Variants in ARHGAP9 observed in about 807,000 individuals in gnomAD.
The protein encoded by ARHGAP9 is rho GTPase-activating protein 9.
In ARHGAP9, 76 loss-of-function variants were observed where a neutral mutation model predicts 87.3. The observed-to-expected ratio is 0.87, with a 90% CI of 0.72 to 1.05. ARHGAP9 has a LOEUF of 1.05. Among genes scored for constraint, ARHGAP9 ranks in the 50% least tolerant of loss-of-function variants. The pLI, the probability that ARHGAP9 is intolerant of heterozygous loss-of-function variation, is 0.00. For synonymous variants in ARHGAP9, 382 were observed against 394.9 expected, an observed-to-expected ratio of 0.97 and a Z score of 0.39; for missense variants, 941 against 960.5, an observed-to-expected ratio of 0.98 and a Z score of 0.27.
In ARHGAP9 at chr12:57,488,287, A is replaced by G. The variant is rs559762969; in HGVS notation, c.-204+325T>C. 233 of 1,261,544 alleles carry G rather than the reference A, an allele frequency of 1.8e-4. No homozygotes were observed. In the Middle Eastern group the frequency reaches 2.6e-3, roughly 14 times the overall value. The allele number at this position is 1,261,544 out of a possible 1,614,324, so 78.1% of individuals were successfully genotyped here. On this transcript the variant is annotated intron_variant, in intron 1 of 20. Coordinates refer to the ARHGAP9 transcript ENST00000393797. ...CTGCAGCTGTCTTTGCCAAACCCCT[A>G]GCCCTCGCCACACACCCCAATCGAC...
chr12:57,482,706 A>G (rs1875114459), upstream of ARHGAP9, among the ~76,000 whole-genome samples: 1 of 152,130 alleles, frequency 6.6e-6, no homozygotes, highest in African/African-American at 2.4e-5. Flanking sequence ...CCCTGTCTCA[A>G]AATAAATAAA....
Position 57,478,115 on chromosome 12 carries a change from G to A in ARHGAP9, c.534+425C>T, listed in dbSNP as rs531259513. The A allele has an allele frequency of 1.0e-5, 4 of 398,862 alleles. No individual in the cohort carries two copies. The East Asian group carries it at 3.5e-4, about 35-fold the overall frequency. 24.7% of individuals were successfully genotyped at this position (398,862 alleles called of 1,614,324 possible). On this transcript the variant is annotated intron_variant, in intron 3 of 17. Coordinates refer to ENST00000393791, the MANE Select transcript of ARHGAP9 (RefSeq NM_032496.4). ...AAGGGCTGGGCAAGTCACATCTCTA[G>A]AGGAGACCTGCTGTAGCCTATCAGG...
intron 1 of ARHGAP9, chr12:57,488,055 C>G (rs539338210): frequency 2.4e-5 from 38 of 1,576,084 alleles, no homozygotes; most frequent in Non-Finnish European, 3.2e-5. Context: ...AGCGGGAGGC[C>G]GGTTCCGGTT....
chr12:57,486,424 C>A (rs1242382480), intron 1 of ARHGAP9, among the ~76,000 whole-genome samples: 2 of 151,864 alleles, frequency 1.3e-5, no homozygotes, highest in African/African-American at 4.8e-5. Context: ...CGTGCACCAC[C>A]ACACCCAGCT....
At chr12:57,480,219 TC>T, upstream of ARHGAP9, 1 of 755,880 alleles carries the variant, frequency 1.3e-6, no homozygotes, top group Non-Finnish European at 1.6e-6. Flanking sequence ...CTCGTTCTTG[TC>T]CCCCAGGCTG....
Position 57,474,420 on chromosome 12 carries a change from T to C in ARHGAP9, c.1783+3A>G. 1 of 1,614,148 alleles carries C rather than the reference T, an allele frequency of 6.2e-7. No individual in the cohort carries two copies. Among genetic ancestry groups the C allele is most frequent in the Non-Finnish European group, 8.5e-7 (1 of 1,179,994 alleles). Reference sequence around the variant, plus strand: ...GGATCTGAAGGGTCTTCCATGTAAGTACCTTGTCCTGGCTGTTCTGGGAAC... The same window carrying C: ...GGATCTGAAGGGTCTTCCATGTAAGCACCTTGTCCTGGCTGTTCTGGGAAC... On this transcript the variant is annotated splice_donor_region_variant and intron_variant, in intron 15 of 17. Transcript: ENST00000393791.
chr12:57,475,768 G>T, intron 10 of ARHGAP9, 65 bp downstream of exon 10: 2 of 1,583,752 alleles, frequency 1.3e-6, no homozygotes, highest in Non-Finnish European at 1.7e-6. Flanking sequence ...GACTCCTATC[G>T]TTCCTACCCC....
chr12:57,488,252 G>T, intron 1 of ARHGAP9: 9 of 1,528,086 alleles, frequency 5.9e-6, no homozygotes, highest in Non-Finnish European at 8.1e-6. Context: ...ACCGAAACAC[G>T]CCAGATTCTC....
At chr12:57,479,879 G>A (rs1348551285), upstream of ARHGAP9, 3 of 1,461,840 alleles carry the variant, frequency 2.1e-6, no homozygotes, top group African/African-American at 2.9e-5. Flanking sequence ...AGACAAAAAT[G>A]TGTGTTATTC....
At position 57,479,243 on chromosome 12, in the gene ARHGAP9, C is replaced by T. The variant is rs779766283; in HGVS notation, c.164G>A (p.Arg55Gln). 2.2e-5 allele frequency: 36 copies of T among 1,614,008 alleles called. No homozygotes were observed. Among genetic ancestry groups the T allele is most frequent in the Admixed American group, 8.3e-5 (5 of 59,998 alleles). Residue 55 changes from arginine to glutamine, a missense_variant, in exon 2 of 18, where the codon CGA becomes CAA. Arg to Gln is a conservative substitution (Grantham distance 43). Transcript: ENST00000393791. ...LAEGDRFLLL[R>Q]KTNSDWWLAR... ...CAACCACCAGTCGGAGTTGGTCTTT[C>T]GAAGCAGTAGGAACCTATCCCCTTC...
At chr12:57,483,623 T>C (rs1202800094), upstream of ARHGAP9, among the ~76,000 whole-genome samples, 1 of 152,184 alleles carries the variant, frequency 6.6e-6, no homozygotes, top group Non-Finnish European at 1.5e-5. Context: ...TGCACTGAAA[T>C]CTTAGATTCT....
Position 57,477,218 on chromosome 12 carries a change from G to A in ARHGAP9, c.808C>T (p.Leu270=). Residue 270 remains leucine, a synonymous_variant, in exon 5 of 18, where the codon CTG becomes TTG. Transcript: ENST00000393791. ...TQTLKRNNDV[L]QPQAKGFRSD... is the part of the protein sequence containing the mutation. ...CTGAAGCCCTTTGCCTGAGGTTGCA[G>A]GACATCATTGTTCCTCTTCAGGGTC... The A allele has an allele frequency of 6.2e-7, 1 of 1,604,190 alleles. No homozygotes were observed. Among genetic ancestry groups the A allele is most frequent in the Non-Finnish European group, 8.5e-7 (1 of 1,174,902 alleles).
chr12:57,473,251 A>G (rs1004199821), intron 17 of ARHGAP9, among the ~76,000 whole-genome samples: 1 of 152,010 alleles, frequency 6.6e-6, no homozygotes. Flanking sequence ...CGTCTCTACT[A>G]AAAATACAAA....
chr12:57,479,396 C>T lies in ARHGAP9; in HGVS notation c.11G>A (p.Ser4Asn), dbSNP rs1358436528. Reference sequence around the variant, plus strand: ...CCCCCAGGAACTTGGCCACCACCGGCTGGATAGCATTGTAGCCAGCACTGT... The same window carrying T: ...CCCCCAGGAACTTGGCCACCACCGGTTGGATAGCATTGTAGCCAGCACTGT... MLS[S>N]RWWPSSWGIL... Residue 4 changes from serine (S) to asparagine (N), a missense_variant, in exon 2 of 18, where the codon AGC becomes AAC. Ser to Asn is a conservative substitution (Grantham distance 46). Coordinates refer to ENST00000393791, the MANE Select transcript of ARHGAP9 (RefSeq NM_032496.4). 1 of 1,613,160 alleles carries T rather than the reference C, an allele frequency of 6.2e-7. No individual in the cohort carries two copies. The highest frequency in any genetic ancestry group is 8.5e-7 in the Non-Finnish European group (1 of 1,179,784).
chr12:57,488,197 A>G (rs773178801), intron 1 of ARHGAP9: 1 of 1,610,964 alleles, frequency 6.2e-7, no homozygotes, highest in South Asian at 1.1e-5. Context: ...GTAGGCCCGG[A>G]AGGTACTCGT....
intron 16 of ARHGAP9, 116 bp from the exon 17 acceptor site, chr12:57,473,824 C>T: frequency 1.7e-6 from 2 of 1,204,174 alleles, no homozygotes; most frequent in South Asian, 1.4e-5. Flanking sequence ...TCTAGCACAG[C>T]TTTCTTTTTC....
Position 57,474,898 on chromosome 12 carries a change from C to T in ARHGAP9, c.1628G>A (p.Cys543Tyr), listed in dbSNP as rs1362161718. Reference protein sequence around the residue: ...GDTVPSFLRLCIAAVDKRGLD... With the variant: ...GDTVPSFLRLYIAAVDKRGLD... ...ACCTCTTTTATCCACAGCAGCAATG[C>T]AGAGCCGCAAAAAGCTGGGCACCGT... The change falls in exon 13 of 18, where the codon TGC (cysteine) becomes TAC (tyrosine). Residue 543 changes from cysteine to tyrosine, a missense_variant. By Grantham distance (194) the Cys-to-Tyr change is radical. Transcript: ENST00000393791. The T allele has an allele frequency of 1.2e-6, 2 of 1,614,062 alleles. No individual in the cohort carries two copies. Among genetic ancestry groups the T allele is most frequent in the East Asian group, 2.2e-5 (1 of 44,902 alleles).
chr12:57,487,985 CAGTGGCCT>C, intron 1 of ARHGAP9: 2 of 838,042 alleles, frequency 2.4e-6, no homozygotes, highest in Non-Finnish European at 4.1e-6. Context: ...GGTGCCAGGG[CAGTGGCCT>C]AATACGGAAC....
At chr12:57,476,562 A>G in intron 7 of ARHGAP9, 28 bp downstream of exon 7, 1 of 1,613,990 alleles carries the variant, frequency 6.2e-7, no homozygotes, top group Non-Finnish European at 8.5e-7. Flanking sequence ...TTGACAGCCC[A>G]GGCCCTAGCT....
Sources: allele counts gnomAD v4.1 joint callset (sites outside exome capture counted in the v4.1 genomes callset), GRCh38; gene constraint gnomAD v4.1.1; transcripts MANE v1.5; gene names NCBI Gene and HGNC (gene_info 2026-07-23, HGNC 2026-07-21).